The following LPP variants were observed in gnomAD, a reference collection of about 807,000 sequenced individuals.
LPP encodes the protein LIM domain containing preferred translocation partner in lipoma.
Under a neutral mutation model 60.4 loss-of-function variants are expected in LPP, and 38 were observed. That is an observed-to-expected ratio of 0.63 (90% CI 0.49 to 0.83). The LOEUF is 0.83. LPP is among the 40% of genes least tolerant of loss of function. LPP has a pLI of 0.00. For synonymous variants in LPP, 328 were observed against 290.8 expected (o/e 1.13, Z -1.30); for missense variants, 902 against 783.6 (o/e 1.15, Z -1.80).
At chr3:188,321,868 G>A (rs1757056446) in intron 2 of LPP, among the ~76,000 whole-genome samples, 1 of 152,204 alleles carries the variant, frequency 6.6e-6, no homozygotes, top group African/African-American at 2.4e-5. Context: ...ATGGTTGGAA[G>A]AGTGAAATAC....
At chr3:188,824,186 T>C (rs543934239) in intron 9 of LPP, among the ~76,000 whole-genome samples, 2 of 152,330 alleles carry the variant, frequency 1.3e-5, no homozygotes, top group African/African-American at 4.8e-5. Context: ...TTCTGAAAAG[T>C]ACGTTCACTC....
chr3:188,244,447 A>G (rs985973866), intron 2 of LPP, among the ~76,000 whole-genome samples: 1 of 152,132 alleles, frequency 6.6e-6, no homozygotes, highest in Non-Finnish European at 1.5e-5. Context: ...TGCTTCTGCT[A>G]CTAACCCCAT....
chr3:188,341,486 C>T (rs948301162), intron 2 of LPP, among the ~76,000 whole-genome samples, 177 bp from the exon 3 acceptor site: 5 of 152,200 alleles, frequency 3.3e-5, no homozygotes, highest in Non-Finnish European at 4.4e-5. Flanking sequence ...ACCTATGAAG[C>T]CAGTAGAATC....
intron 4 of LPP, among the ~76,000 whole-genome samples, chr3:188,457,530 G>T (rs371233668): frequency 3.1e-4 from 47 of 152,050 alleles, no homozygotes; most frequent in African/African-American, 1.1e-3. Flanking sequence ...CGCTTGAAAT[G>T]CTCCCATGTT....
At chr3:188,550,893 G>A (rs1409104488) in intron 6 of LPP, among the ~76,000 whole-genome samples, 1 of 152,112 alleles carries the variant, frequency 6.6e-6, no homozygotes, top group Admixed American at 6.5e-5. Flanking sequence ...ATTTTGAAAC[G>A]TTAGTTGGTG....
At chr3:188,670,776 GT>G (rs747192663) in intron 7 of LPP, among the ~76,000 whole-genome samples, 2 of 152,158 alleles carry the variant, frequency 1.3e-5, no homozygotes, top group Non-Finnish European at 2.9e-5. Flanking sequence ...AAACTGAAAG[GT>G]TGGAAGGATG....
chr3:188,226,728 T>C (rs1265729390), intron 2 of LPP, among the ~76,000 whole-genome samples: 3 of 152,208 alleles, frequency 2.0e-5, no homozygotes, highest in Non-Finnish European at 4.4e-5. Flanking sequence ...CTTGACATAT[T>C]TGTGGTGTAG....
chr3:188,435,967 A>C lies in LPP; in HGVS notation c.193+29654A>C, dbSNP rs1262087787. 2.0e-5 allele frequency among the ~76,000 whole-genome samples: 3 copies of C among 152,336 alleles called. No homozygotes were observed. In the East Asian group the frequency reaches 5.8e-4, roughly 29 times the overall value. The stretch of plus-strand genomic sequence containing the variant: ...TTTCCTTGCCATAGATCGCTTCTAA[A>C]GCAACATTCCCACCATTTGAACTTC... On this transcript the variant is annotated intron_variant, in intron 4 of 11. Coordinates refer to ENST00000617246, the MANE Select transcript of LPP (RefSeq NM_001375462.1).
rs1245293581 is a variant in LPP, at chr3:188,352,513, A to G, written c.-10+10794A>G. Among the ~76,000 whole-genome samples, 1 of 152,208 alleles carries G rather than the reference A, an allele frequency of 6.6e-6. No homozygotes were observed. Among genetic ancestry groups the G allele is most frequent in the Non-Finnish European group, 1.5e-5 (1 of 68,044 alleles). On this transcript the variant is annotated intron_variant, in intron 3 of 11. Transcript: ENST00000617246. The surrounding 1 kb of genome is among the most constrained non-coding windows in gnomAD (Gnocchi z 4.4). The stretch of plus-strand genomic sequence containing the variant: ...AGTTGCCACTTGGAAACGGTTGGAA[A>G]CTGTAGATCAGGCACAGACATTGAA...
At chr3:188,501,098 G>GT (rs1811700549) in intron 5 of LPP, among the ~76,000 whole-genome samples, 1 of 151,782 alleles carries the variant, frequency 6.6e-6, no homozygotes, top group Admixed American at 6.6e-5. Context: ...TTTGGGTATG[G>GT]TTTTTTCTTT....
chr3:188,203,128 A>G (rs1418637929), intron 1 of LPP, among the ~76,000 whole-genome samples: 3 of 140,346 alleles, frequency 2.1e-5, no homozygotes, highest in Non-Finnish European at 4.6e-5. Flanking sequence ...TATAAAATGT[A>G]TATTATATTA....
rs961115114 is a variant in LPP at position 188,520,975 on chromosome 3, A to G, written c.307-3690A>G. The stretch of plus-strand genomic sequence containing the variant: ...TATAGGACTTTGGATCCTGGTATCT[A>G]CTATAAGGGATTGAGAGTAGCAAGA... On this transcript the variant is annotated intron_variant, in intron 5 of 11. Transcript: ENST00000617246. Among the ~76,000 whole-genome samples the G allele has an allele frequency of 4.6e-5, 7 of 152,264 alleles. No homozygotes were observed. The East Asian group carries it at 1.4e-3, about 29-fold the overall frequency.
intron 6 of LPP, among the ~76,000 whole-genome samples, chr3:188,582,568 G>C (rs73056707): frequency 0.018 from 2,688 of 152,126 alleles, 77 homozygotes; most frequent in African/African-American, 0.062. Context: ...TTGGTTAAGA[G>C]AGCCTTTAAC....
chr3:188,856,191 A>T (rs892968370), intron 9 of LPP, among the ~76,000 whole-genome samples: 2 of 152,164 alleles, frequency 1.3e-5, no homozygotes, highest in South Asian at 2.1e-4. Flanking sequence ...TGGCTCATAG[A>T]CTTCTCTGTA....
At chr3:188,295,931 G>A (rs1007607952) in intron 2 of LPP, among the ~76,000 whole-genome samples, 2 of 152,124 alleles carry the variant, frequency 1.3e-5, no homozygotes. Context: ...AATGCACATA[G>A]CCTTCCTGAG....
At chr3:188,209,617 A>T (rs949352988) in intron 1 of LPP, among the ~76,000 whole-genome samples, 1 of 152,150 alleles carries the variant, frequency 6.6e-6, no homozygotes, top group Non-Finnish European at 1.5e-5. Context: ...TCCTGGAGAC[A>T]GTTTTAGGTC....
At chr3:188,674,542 G>A (rs750409424) in intron 7 of LPP, among the ~76,000 whole-genome samples, 5 of 152,148 alleles carry the variant, frequency 3.3e-5, no homozygotes, top group South Asian at 2.1e-4. Flanking sequence ...CTGCTGCACC[G>A]AAGCTCTAGC....
Position 188,345,694 on chromosome 3 carries a change from C to T in LPP, c.-10+3975C>T, listed in dbSNP as rs559317742. Among the ~76,000 whole-genome samples, 23 of 152,218 alleles carry T rather than the reference C, an allele frequency of 1.5e-4. 1 individual carries two copies. The South Asian group carries it at 4.8e-3, about 32-fold the overall frequency. ...TCTGCCTTATTCTTGTGGGGATGGGCTGGGACTGAGAAACAGCTAGTATAA... is the reference window on the plus strand; with the variant it reads ...TCTGCCTTATTCTTGTGGGGATGGGTTGGGACTGAGAAACAGCTAGTATAA... On this transcript the variant is annotated intron_variant, in intron 3 of 11. Transcript: ENST00000617246.
intron 9 of LPP, among the ~76,000 whole-genome samples, chr3:188,793,893 G>T (rs1468841920): frequency 6.6e-6 from 1 of 152,004 alleles, no homozygotes; most frequent in African/African-American, 2.4e-5. Flanking sequence ...AGTTGCCTTT[G>T]CAGGACACAA....
Sources: allele counts gnomAD v4.1 joint callset (sites outside exome capture counted in the v4.1 genomes callset), GRCh38; gene constraint gnomAD v4.1.1; non-coding constraint Gnocchi (gnomAD v3.1); transcripts MANE v1.5; gene names NCBI Gene and HGNC (gene_info 2026-07-23, HGNC 2026-07-21).